MAGI1: variants seen among roughly 807,000 people sequenced by gnomAD.
MAGI1 encodes membrane-associated guanylate kinase, WW and PDZ domain-containing protein 1.
In MAGI1, 58 loss-of-function variants were observed where a neutral mutation model predicts 139.9. The ratio of observed to expected loss-of-function variants is 0.41; its 90% CI spans 0.34 to 0.52. The LOEUF (loss-of-function observed/expected upper bound fraction) is 0.52, where lower values mean the gene tolerates loss of function less well. Ranked by LOEUF, MAGI1 falls within the 20% of genes least tolerant of loss-of-function variation. The pLI is 0.12. For synonymous variants in MAGI1, 812 were observed against 737.9 expected, an observed-to-expected ratio of 1.10 and a Z score of -1.63; for missense variants, 1,874 against 1,901.6, an observed-to-expected ratio of 0.99 and a Z score of 0.27.
At chr3:65,519,925 T>C (rs1187265163) in intron 2 of MAGI1, among the ~76,000 whole-genome samples, 2 of 152,222 alleles carry the variant, frequency 1.3e-5, no homozygotes, top group East Asian at 1.9e-4. Flanking sequence ...GTTACTTCCA[T>C]GGCTAGGTGA....
At chr3:65,463,879 A>G (rs147999793) in intron 5 of MAGI1, among the ~76,000 whole-genome samples, 2,211 of 150,564 alleles carry the variant, frequency 0.015, 54 homozygotes, top group African/African-American at 0.051. Context: ...CCAGGAATTT[A>G]TCCATTTCTT....
intron 1 of MAGI1, among the ~76,000 whole-genome samples, chr3:65,678,690 T>C (rs2087361131): frequency 6.6e-6 from 1 of 152,150 alleles, no homozygotes; most frequent in African/African-American, 2.4e-5. Context: ...GAGCCGTCCT[T>C]TCTTCTCTTT....
At chr3:65,831,944 T>C (rs2042552584) in intron 1 of MAGI1, among the ~76,000 whole-genome samples, 2 of 152,210 alleles carry the variant, frequency 1.3e-5, no homozygotes, top group Admixed American at 6.5e-5. Flanking sequence ...TTACTGAATG[T>C]TGAGTAATAA....
intron 1 of MAGI1, among the ~76,000 whole-genome samples, chr3:65,836,619 G>C (rs1437687136): frequency 6.6e-6 from 1 of 152,082 alleles, no homozygotes; most frequent in Non-Finnish European, 1.5e-5. Flanking sequence ...AGGAGTTCAA[G>C]ACCAGCCTGG....
intron 5 of MAGI1, among the ~76,000 whole-genome samples, chr3:65,463,179 C>A (rs545410144): frequency 6.6e-6 from 1 of 152,134 alleles, no homozygotes; most frequent in African/African-American, 2.4e-5. Context: ...TTGTCTTGTG[C>A]CAGTTTCAAC....
intron 1 of MAGI1, among the ~76,000 whole-genome samples, chr3:65,970,341 AG>A (rs1424683939): frequency 6.6e-6 from 1 of 152,174 alleles, no homozygotes; most frequent in African/African-American, 2.4e-5. Context: ...CGGGGGTACC[AG>A]GAAGTGGGGA....
chr3:65,947,780 C>A (rs1305339475), intron 1 of MAGI1, among the ~76,000 whole-genome samples: 1 of 151,866 alleles, frequency 6.6e-6, no homozygotes, highest in Non-Finnish European at 1.5e-5. Context: ...TCATGCCCAG[C>A]TAATTTATTT....
chr3:65,638,334 T>C (rs771427306), intron 1 of MAGI1, among the ~76,000 whole-genome samples: 1 of 152,000 alleles, frequency 6.6e-6, no homozygotes, highest in South Asian at 2.1e-4. Context: ...TCCAAGAAGG[T>C]AACAGAAAAG....
Position 65,442,797 on chromosome 3 carries a change from ATAG to A in MAGI1, c.1128_1130del (p.Tyr377del). 1 of 1,612,174 alleles carries A rather than the reference ATAG, an allele frequency of 6.2e-7. No homozygotes were observed. Among genetic ancestry groups the A allele is most frequent in the East Asian group, 2.2e-5 (1 of 44,788 alleles). ...GATTGTGAATGGGCACTTACTCTAC[ATAG>A]TAGATACCATAGACAGGGTCTTCAA... On this transcript the variant is annotated inframe_deletion, in exon 8 of 23. Coordinates refer to ENST00000402939, the MANE Select transcript of MAGI1 (RefSeq NM_001033057.2).
intron 1 of MAGI1, among the ~76,000 whole-genome samples, chr3:66,032,258 C>A (rs530285211): frequency 9.2e-5 from 14 of 152,114 alleles, no homozygotes; most frequent in African/African-American, 2.9e-4. Context: ...GTCACCCAGG[C>A]TGGAGTGCAG....
rs141397735 is a variant in MAGI1 at position 65,544,774 on chromosome 3, G to A, written c.431-51143C>T. Among the ~76,000 whole-genome samples, 9 of 152,208 alleles carry A rather than the reference G, an allele frequency of 5.9e-5. No homozygotes were observed. The East Asian group carries it at 1.5e-3, about 26-fold the overall frequency. On this transcript the variant is annotated intron_variant, in intron 2 of 22. Transcript: ENST00000402939. ...AACTGATAGCACCGGGCCAGTTCCC[G>A]AATAGCAAAGAATATATAAGCTGTC... is the stretch of plus-strand genomic sequence containing the variant.
chr3:65,493,553 A>C lies in MAGI1; in HGVS notation c.509T>G (p.Leu170Arg), dbSNP rs756908565. Reference sequence around the variant, plus strand: ...TTCCAGAAGAGTCCCACTCTGCTCGAGGTCCAAGAACTCCTTCACAGTCAG... The same window carrying C: ...TTCCAGAAGAGTCCCACTCTGCTCGCGGTCCAAGAACTCCTTCACAGTCAG... Reference protein sequence around the residue: ...NFLTVKEFLDLEQSGTLLEVG... With the variant: ...NFLTVKEFLDREQSGTLLEVG... The change falls in exon 3 of 23, where the codon CTC becomes CGC. Residue 170 changes from leucine to arginine, a missense_variant. By Grantham distance (102) the Leu-to-Arg change is moderately radical (BLOSUM62 -2). Around this residue, in one of 5 missense-constraint regions of MAGI1, gnomAD observed 648 missense variants for 598.1 expected, o/e 1.08. Coordinates refer to ENST00000402939, the MANE Select transcript of MAGI1 (RefSeq NM_001033057.2). 1.9e-6 allele frequency: 3 copies of C among 1,614,172 alleles called. No individual in the cohort carries two copies. In the Admixed American group the frequency reaches 5.0e-5, roughly 27 times the overall value.
At chr3:65,702,071 A>T (rs1225587000) in intron 1 of MAGI1, among the ~76,000 whole-genome samples, 1 of 152,120 alleles carries the variant, frequency 6.6e-6, no homozygotes, top group Admixed American at 6.6e-5. Context: ...CTCTAGATGG[A>T]ACATTTGCTA....
chr3:65,525,260 A>C (rs1478373057), intron 2 of MAGI1, among the ~76,000 whole-genome samples: 1 of 152,190 alleles, frequency 6.6e-6, no homozygotes, highest in East Asian at 1.9e-4. Flanking sequence ...GCAGAGGAGT[A>C]CCTTTCTCAA....
chr3:65,578,864 C>A (rs1456833488), intron 2 of MAGI1, among the ~76,000 whole-genome samples: 1 of 151,646 alleles, frequency 6.6e-6, no homozygotes, highest in Non-Finnish European at 1.5e-5. Context: ...GAGATTGCCA[C>A]AAGGTGAGAT....
At chr3:65,984,641 C>T (rs563206934) in intron 1 of MAGI1, among the ~76,000 whole-genome samples, 1 of 151,178 alleles carries the variant, frequency 6.6e-6, no homozygotes, top group African/African-American at 2.4e-5. Context: ...GTGATCCTCC[C>T]ACTTCAGCCT....
chr3:65,432,568 G>C (rs1247629456), intron 10 of MAGI1, among the ~76,000 whole-genome samples: 1 of 152,144 alleles, frequency 6.6e-6, no homozygotes, highest in Non-Finnish European at 1.5e-5. Flanking sequence ...CAGTCCCAAA[G>C]CTTATTGGAA....
At chr3:65,631,603 G>T (rs2107157835) in intron 1 of MAGI1, among the ~76,000 whole-genome samples, 1 of 152,162 alleles carries the variant, frequency 6.6e-6, no homozygotes, top group East Asian at 1.9e-4. Context: ...AATGTTTAAG[G>T]CCCTTGATAC....
chr3:65,743,709 C>CAA (rs879491150), intron 1 of MAGI1, among the ~76,000 whole-genome samples: 4 of 130,382 alleles, frequency 3.1e-5, no homozygotes, highest in South Asian at 2.4e-4. Context: ...GACTCCATCT[C>CAA]AAAAAAAAAA....
Sources: gnomAD v4.1 joint callset for allele counts (sites outside exome capture counted in the v4.1 genomes callset) on GRCh38, gnomAD v4.1.1 for gene constraint, gnomAD v4.1.1 regional missense constraint, MANE v1.5 for transcripts, NCBI Gene and HGNC (gene_info 2026-07-23, HGNC 2026-07-21) for gene names.